NHERF2: variants seen among roughly 807,000 people sequenced by gnomAD.
NHERF2 encodes Na(+)/H(+) exchange regulatory cofactor NHE-RF2.
At chr16:2,035,030 G>A in the NHERF2 span, among the ~76,000 whole-genome samples, 4 of 152,140 alleles carry the variant, frequency 2.6e-5, no homozygotes, top group Non-Finnish European at 2.9e-5. Flanking sequence ...GAGCCCCTGT[G>A]GGGCCAGGGA....
the NHERF2 span, among the ~76,000 whole-genome samples, chr16:2,037,300 C>T: frequency 2.6e-5 from 4 of 152,102 alleles, no homozygotes; most frequent in African/African-American, 7.2e-5. Flanking sequence ...CCAGGCGTTG[C>T]TCACGCCGGC....
At chr16:2,032,097 G>C in the NHERF2 span, among the ~76,000 whole-genome samples, 2 of 149,044 alleles carry the variant, frequency 1.3e-5, no homozygotes, top group African/African-American at 5.0e-5. This position sits in a 1 kb window ranked among gnomAD's most constrained non-coding sequence, Gnocchi z 4.0. Context: ...TCGGCTCACT[G>C]CAAGCTCCGC....
the NHERF2 span, chr16:2,036,527 G>C: frequency 6.4e-7 from 1 of 1,562,946 alleles, no homozygotes. Flanking sequence ...AGGGCTGCGG[G>C]GTGCCGAGTG....
the NHERF2 span, among the ~76,000 whole-genome samples, chr16:2,030,289 G>A: frequency 4.6e-5 from 7 of 152,294 alleles, no homozygotes; most frequent in Middle Eastern, 3.4e-3. Context: ...CAGGCCTGGC[G>A]TAGGTGGGGC....
the NHERF2 span, chr16:2,032,947 G>A: frequency 8.3e-6 from 9 of 1,089,808 alleles, no homozygotes; most frequent in Admixed American, 4.9e-5. The surrounding 1 kb of genome is among the most constrained non-coding windows in gnomAD (Gnocchi z 4.0). Context: ...TGCGGGAGGC[G>A]GCTGTGTGGT....
At chr16:2,027,228 A>G in the NHERF2 span, 1 of 1,299,354 alleles carries the variant, frequency 7.7e-7, no homozygotes, top group Non-Finnish European at 9.8e-7. Context: ...GGTGGGGGCC[A>G]GCGCTCGCCC....
the NHERF2 span, among the ~76,000 whole-genome samples, chr16:2,037,331 C>T: frequency 3.3e-5 from 5 of 152,174 alleles, no homozygotes; most frequent in Non-Finnish European, 7.4e-5. Context: ...CCTGAACCCC[C>T]TCTGCACCAT....
chr16:2,029,820 C>T, the NHERF2 span: 12 of 1,499,692 alleles, frequency 8.0e-6, no homozygotes, highest in East Asian at 3.0e-4. Context: ...ACCCTAGCCT[C>T]TCCCAGAGGC....
the NHERF2 span, chr16:2,038,215 CAG>C: frequency 1.7e-6 from 1 of 597,948 alleles, no homozygotes; most frequent in South Asian, 2.0e-5. Context: ...GAGTCAGAGA[CAG>C]AGACAGAGAG....
chr16:2,027,173 G>T, the NHERF2 span: 1 of 1,469,680 alleles, frequency 6.8e-7, no homozygotes, highest in Non-Finnish European at 9.0e-7. Context: ...GGGACCGCCT[G>T]GTCGAGGTCA....
chr16:2,035,457 C>T, the NHERF2 span: 1 of 985,944 alleles, frequency 1.0e-6, no homozygotes, highest in East Asian at 1.1e-4. Flanking sequence ...GGGAAGGGCC[C>T]TGGCAGCCCC....
At chr16:2,038,259 G>A in the NHERF2 span, 3 of 568,754 alleles carry the variant, frequency 5.3e-6, no homozygotes, top group African/African-American at 3.8e-5. Context: ...GAGACAGAGA[G>A]AGAGCGAGCG....
At chr16:2,037,453 G>A in the NHERF2 span, 2,758 of 1,201,740 alleles carry the variant, frequency 2.3e-3, 3 homozygotes, top group Non-Finnish European at 3.0e-3. Flanking sequence ...GCACACACTG[G>A]GGGGGGGTGT....
the NHERF2 span, chr16:2,035,627 G>A: frequency 1.9e-5 from 19 of 986,438 alleles, 1 homozygote; most frequent in South Asian, 8.4e-4. Flanking sequence ...TGGCTGGGAG[G>A]TGGTCATTGG....
At chr16:2,032,744 C>T in the NHERF2 span, 16 of 906,428 alleles carry the variant, frequency 1.8e-5, no homozygotes, top group Admixed American at 3.6e-4. The surrounding 1 kb of genome is among the most constrained non-coding windows in gnomAD (Gnocchi z 4.0). Context: ...TGGGGGTGGC[C>T]GCAGCTGCAG....
the NHERF2 span, among the ~76,000 whole-genome samples, chr16:2,028,373 G>T: frequency 6.6e-6 from 1 of 152,182 alleles, no homozygotes; most frequent in African/African-American, 2.4e-5. Flanking sequence ...GGCTGCCAGG[G>T]CTGGGGCCAG....
At chr16:2,036,259 C>T in the NHERF2 span, 197 of 1,487,108 alleles carry the variant, frequency 1.3e-4, 1 homozygote, top group Non-Finnish European at 1.7e-4. Flanking sequence ...GCGGCACCAC[C>T]GGGGAGTGGC....
chr16:2,034,681 G>A, the NHERF2 span, among the ~76,000 whole-genome samples: 1 of 54,126 alleles, frequency 1.8e-5, no homozygotes, highest in Non-Finnish European at 3.5e-5. Flanking sequence ...CCTTCCCTCC[G>A]TCCCAGGCCA....
At chr16:2,036,607 G>A in the NHERF2 span, 22 of 1,526,538 alleles carry the variant, frequency 1.4e-5, no homozygotes, top group Admixed American at 3.4e-4. Flanking sequence ...ACCTGAGCTG[G>A]TGCGCCTCCT....
Sources: allele counts gnomAD v4.1 joint callset (sites outside exome capture counted in the v4.1 genomes callset), GRCh38; gene constraint gnomAD v4.1.1; non-coding constraint Gnocchi (gnomAD v3.1); transcripts MANE v1.5; gene names NCBI Gene and HGNC (gene_info 2026-07-23, HGNC 2026-07-21).